Variants in KCNIP1 observed in about 807,000 individuals in gnomAD.
KCNIP1 encodes the protein potassium voltage-gated channel interacting protein 1, also known as A-type potassium channel modulatory protein KCNIP1.
In KCNIP1, 18 loss-of-function variants were observed where a neutral mutation model predicts 33.0. The ratio of observed to expected loss-of-function variants is 0.55; its 90% CI spans 0.38 to 0.81. The LOEUF is 0.81. KCNIP1 is among the 30% of genes least tolerant of loss of function. KCNIP1 has a pLI of 0.00. For synonymous variants in KCNIP1, 93 were observed against 98.3 expected (o/e 0.95, Z 0.32); for missense variants, 238 against 271.6 (o/e 0.88, Z 0.87).
chr5:170,392,859 A>G (rs1002502874), intron 1 of KCNIP1, among the ~76,000 whole-genome samples: 3 of 151,942 alleles, frequency 2.0e-5, no homozygotes, highest in Non-Finnish European at 4.4e-5. Context: ...TGCTTTATCT[A>G]CTCTTAGGTC....
chr5:170,455,445 T>C (rs1238172771), intron 1 of KCNIP1, among the ~76,000 whole-genome samples: 1 of 152,210 alleles, frequency 6.6e-6, no homozygotes, highest in Non-Finnish European at 1.5e-5. Context: ...GCTCAGGTGA[T>C]ACATGGGCCT....
chr5:170,649,748 G>A (rs1476196733), intron 1 of KCNIP1, among the ~76,000 whole-genome samples: 1 of 152,162 alleles, frequency 6.6e-6, no homozygotes, highest in African/African-American at 2.4e-5. Context: ...GTACAATCCT[G>A]TTGTAACCAA....
At chr5:170,579,537 C>A (rs1181734845) in intron 1 of KCNIP1, among the ~76,000 whole-genome samples, 1 of 152,144 alleles carries the variant, frequency 6.6e-6, no homozygotes, top group Admixed American at 6.5e-5. Context: ...GCATTTTTAG[C>A]ATCATGTGCA....
At chr5:170,597,573 G>T (rs1215170467) in intron 1 of KCNIP1, among the ~76,000 whole-genome samples, 1 of 151,902 alleles carries the variant, frequency 6.6e-6, no homozygotes, top group Admixed American at 6.6e-5. Flanking sequence ...GCCCATAAAG[G>T]GGTCATGAAT....
intron 1 of KCNIP1, among the ~76,000 whole-genome samples, chr5:170,361,482 A>G (rs1309365301): frequency 6.6e-6 from 1 of 152,164 alleles, no homozygotes; most frequent in Non-Finnish European, 1.5e-5. Context: ...GGCTGAAGCC[A>G]CTGAGATTCC....
At position 170,451,723 on chromosome 5, in the gene KCNIP1, T is replaced by TGTGTGTG. The variant is rs1756255311; in HGVS notation, c.88+97759_88+97760insGTGTGTG. Reference sequence around the variant, plus strand: ...GACAGTTGCTTCAGCTTCTCCTGCATTGTGTGTGTGTGTGTGTGTGTGTGT... The same window carrying TGTGTGTG: ...GACAGTTGCTTCAGCTTCTCCTGCATGTGTGTGTGTGTGTGTGTGTGTGTGTGTGTGT... On this transcript the variant is annotated intron_variant, in intron 1 of 7. Coordinates refer to the KCNIP1 transcript ENST00000377360. 5.2e-3 allele frequency among the ~76,000 whole-genome samples: 637 copies of TGTGTGTG among 122,970 alleles called. 5 individuals carry two copies. The highest frequency in any genetic ancestry group is 5.4e-3 in the Non-Finnish European group (322 of 59,386). The allele number at this position is 122,970 out of a possible 152,430, so 80.7% of individuals were successfully genotyped here.
chr5:170,398,655 T>C (rs1054565901), intron 1 of KCNIP1, among the ~76,000 whole-genome samples: 2 of 152,232 alleles, frequency 1.3e-5, no homozygotes, highest in African/African-American at 4.8e-5. Context: ...TTTTAGACCA[T>C]TCTAACTGTC....
chr5:170,484,521 G>A (rs1045769188), intron 1 of KCNIP1, among the ~76,000 whole-genome samples: 1 of 152,106 alleles, frequency 6.6e-6, no homozygotes, highest in Non-Finnish European at 1.5e-5. Context: ...CTCCCTCCAA[G>A]GCTGTGTGCT....
chr5:170,619,007 G>A (rs1241189341), intron 1 of KCNIP1, among the ~76,000 whole-genome samples: 1 of 152,178 alleles, frequency 6.6e-6, no homozygotes, highest in Non-Finnish European at 1.5e-5. Flanking sequence ...CAGGGAAACT[G>A]TGTGTGTTTC....
chr5:170,571,016 T>G (rs995517197), intron 1 of KCNIP1, among the ~76,000 whole-genome samples: 3 of 152,186 alleles, frequency 2.0e-5, no homozygotes, highest in African/African-American at 7.2e-5. Flanking sequence ...GTAGCTCAAC[T>G]AGATCTATCC....
At chr5:170,654,540 T>G (rs1437423380) in intron 1 of KCNIP1, among the ~76,000 whole-genome samples, 1 of 152,194 alleles carries the variant, frequency 6.6e-6, no homozygotes. Context: ...CTCATGAATA[T>G]TAATGTATTT....
At chr5:170,565,096 C>T (rs1264091765) in intron 1 of KCNIP1, among the ~76,000 whole-genome samples, 3 of 152,060 alleles carry the variant, frequency 2.0e-5, no homozygotes, top group Admixed American at 1.3e-4. Flanking sequence ...TTTATCTCCC[C>T]TTCTCTTTCC....
At chr5:170,520,785 T>C (rs1220448089) in intron 1 of KCNIP1, among the ~76,000 whole-genome samples, 1 of 152,202 alleles carries the variant, frequency 6.6e-6, no homozygotes, top group Non-Finnish European at 1.5e-5. Context: ...TTGCCCCTTC[T>C]CAACCCAGAC....
rs1763869229 is a variant in KCNIP1, at chr5:170,722,702, CCCCT to C, written c.328-10_328-7del. ...GATGGTTAATGTCACTCTGCCTTTTCCCCTTCTCAGGACTTTGTAACCGCTCTGT... is the reference window on the plus strand; with the variant it reads ...GATGGTTAATGTCACTCTGCCTTTTCTCTCAGGACTTTGTAACCGCTCTGT... On this transcript the variant is annotated splice_polypyrimidine_tract_variant and splice_region_variant and intron_variant, in intron 4 of 7. Coordinates refer to ENST00000328939, the MANE Select transcript of KCNIP1 (RefSeq NM_014592.4). The C allele has an allele frequency of 6.3e-7, 1 of 1,582,700 alleles. No homozygotes were observed.
At chr5:170,623,300 C>T (rs1022968145) in intron 1 of KCNIP1, among the ~76,000 whole-genome samples, 3 of 152,084 alleles carry the variant, frequency 2.0e-5, no homozygotes, top group African/African-American at 7.2e-5. Context: ...CAACCTCCGC[C>T]TCCTGGGTTC....
intron 1 of KCNIP1, among the ~76,000 whole-genome samples, chr5:170,586,230 G>A (rs943498316): frequency 6.6e-6 from 1 of 152,340 alleles, no homozygotes; most frequent in Non-Finnish European, 1.5e-5. Context: ...TCTGTCACCT[G>A]TGTATCCTCC....
intron 1 of KCNIP1, among the ~76,000 whole-genome samples, chr5:170,622,228 A>G (rs181273654): frequency 6.6e-6 from 1 of 152,284 alleles, no homozygotes; most frequent in African/African-American, 2.4e-5. Context: ...CTTTTTCAGA[A>G]ATAGCATCTT....
intron 1 of KCNIP1, among the ~76,000 whole-genome samples, chr5:170,556,547 C>T (rs538717696): frequency 9.9e-5 from 15 of 152,176 alleles, no homozygotes; most frequent in African/African-American, 3.1e-4. Flanking sequence ...GGGTGGGAGC[C>T]GATGTCAACA....
At chr5:170,417,780 A>C (rs1281591968) in intron 1 of KCNIP1, among the ~76,000 whole-genome samples, 1 of 152,218 alleles carries the variant, frequency 6.6e-6, no homozygotes, top group African/African-American at 2.4e-5. Flanking sequence ...CTTCCTGTTG[A>C]GAATCCAACG....
Sources: gnomAD v4.1 joint callset for allele counts (sites outside exome capture counted in the v4.1 genomes callset) on GRCh38, gnomAD v4.1.1 for gene constraint, MANE v1.5 for transcripts, NCBI Gene and HGNC (gene_info 2026-07-23, HGNC 2026-07-21) for gene names.